Variants in LRRC7 observed in about 807,000 individuals in gnomAD.
LRRC7 encodes leucine rich repeat containing 7.
LRRC7 carries 23 observed loss-of-function variants against 175.7 expected under a neutral mutation model. That is an observed-to-expected ratio of 0.13 (90% CI 0.09 to 0.19). LRRC7 has a LOEUF of 0.19. Among genes scored for constraint, LRRC7 ranks in the 10% least tolerant of loss-of-function variants. The probability of loss-of-function intolerance (pLI) is 1.00; values close to 1 mark genes in which losing one functional copy is unlikely to be tolerated. For missense variants in LRRC7, 1,354 were observed against 1,904.7 expected (o/e 0.71, Z 5.38); for synonymous variants, 685 against 680.9 (o/e 1.01, Z -0.09).
In LRRC7 at chr1:70,122,514, T is replaced by C. The variant is rs1452121120; in HGVS notation, c.*627T>C. On this transcript the variant is annotated 3_prime_UTR_variant, in exon 27 of 27. Transcript: ENST00000651989. ...TATGGTATAAAGTGTTTATATTTGG[T>C]TCCATATTCATTTGCTAAATTCTCA... The C allele has an allele frequency of 6.6e-6, 1 of 152,086 alleles. No homozygotes were observed. The highest frequency in any genetic ancestry group is 1.5e-5 in the Non-Finnish European group (1 of 67,938). 9.4% of individuals were successfully genotyped at this position (152,086 alleles called of 1,614,324 possible). A position where few individuals can be genotyped will look rare whatever the true frequency, so the allele number is the denominator to read the frequency against.
At chr1:69,587,706 A>G (rs2100941908) in intron 1 of LRRC7, among the ~76,000 whole-genome samples, 1 of 152,286 alleles carries the variant, frequency 6.6e-6, no homozygotes, top group Non-Finnish European at 1.5e-5. Context: ...AGGGAGAGCC[A>G]TGATAGTTCT....
chr1:69,698,905 C>T (rs527484696), intron 2 of LRRC7, among the ~76,000 whole-genome samples: 12 of 152,282 alleles, frequency 7.9e-5, no homozygotes, highest in African/African-American at 2.6e-4. Flanking sequence ...CCTCACTCAC[C>T]TTCCCATCTG....
intron 4 of LRRC7, among the ~76,000 whole-genome samples, chr1:69,806,591 G>T (rs765588540): frequency 3.3e-5 from 5 of 151,744 alleles, no homozygotes; most frequent in Admixed American, 1.3e-4. Context: ...CCTATAATCT[G>T]CACTTCCTAC....
At chr1:69,800,287 G>A (rs1018597215) in intron 4 of LRRC7, among the ~76,000 whole-genome samples, 6 of 151,958 alleles carry the variant, frequency 3.9e-5, no homozygotes, top group Admixed American at 3.3e-4. Flanking sequence ...AAAACGGCAT[G>A]CATATTTTCA....
At chr1:70,063,427 G>A (rs1034003660) in intron 23 of LRRC7, among the ~76,000 whole-genome samples, 2 of 152,062 alleles carry the variant, frequency 1.3e-5, no homozygotes, top group African/African-American at 4.8e-5. Flanking sequence ...GAGAAGTGAT[G>A]ATTGAGACTG....
chr1:69,777,120 T>C (rs748949665), intron 3 of LRRC7, among the ~76,000 whole-genome samples: 5 of 152,160 alleles, frequency 3.3e-5, no homozygotes, highest in African/African-American at 4.8e-5. Context: ...CCTTCTGTCA[T>C]CACCAATGGA....
intron 2 of LRRC7, among the ~76,000 whole-genome samples, chr1:69,692,918 G>A (rs369569759): frequency 1.4e-3 from 207 of 152,290 alleles, no homozygotes; most frequent in African/African-American, 4.5e-3. Flanking sequence ...TAATGTGGGT[G>A]GGGACCATCC....
In LRRC7 at chr1:69,626,469, G is replaced by T. The variant is rs556253257; in HGVS notation, c.3-51912G>T. 4.0e-5 allele frequency among the ~76,000 whole-genome samples: 6 copies of T among 150,710 alleles called. No homozygotes were observed. The South Asian group carries it at 1.0e-3, about 26-fold the overall frequency. On this transcript the variant is annotated intron_variant, in intron 1 of 26. Transcript: ENST00000651989. ...CTGAATTACATTCATCACCATTAAT[G>T]AAAGCAGATTTTTAAATATTGCTTA...
chr1:69,728,374 C>A (rs1172152937), intron 2 of LRRC7, among the ~76,000 whole-genome samples: 1 of 152,030 alleles, frequency 6.6e-6, no homozygotes, highest in African/African-American at 2.4e-5. Flanking sequence ...TGTCAAATTG[C>A]CTGGAGAATG....
chr1:69,750,020 C>T (rs1370547290), intron 2 of LRRC7, among the ~76,000 whole-genome samples: 1 of 151,038 alleles, frequency 6.6e-6, no homozygotes, highest in Non-Finnish European at 1.5e-5. Context: ...GAGATCACGC[C>T]ACTGCACTCC....
At chr1:69,829,462 A>C (rs1680292764) in intron 5 of LRRC7, among the ~76,000 whole-genome samples, 1 of 151,804 alleles carries the variant, frequency 6.6e-6, no homozygotes, top group Admixed American at 6.6e-5. Flanking sequence ...TTTTCTTTAC[A>C]CTAGGGACAT....
At chr1:69,847,549 G>T (rs1312012580) in intron 7 of LRRC7, among the ~76,000 whole-genome samples, 1 of 151,938 alleles carries the variant, frequency 6.6e-6, no homozygotes, top group African/African-American at 2.4e-5. Flanking sequence ...ACCAAACTTG[G>T]TTAAACCAAA....
chr1:69,717,810 G>GAAAGAAAT (rs1665615789), intron 2 of LRRC7, among the ~76,000 whole-genome samples: 8 of 24,274 alleles, frequency 3.3e-4, no homozygotes, highest in African/African-American at 1.9e-3. Context: ...AAGAAAGAAA[G>GAAAGAAAT]AAAGAAAGAA....
chr1:69,602,426 G>A (rs1311464165), intron 1 of LRRC7, among the ~76,000 whole-genome samples: 2 of 152,100 alleles, frequency 1.3e-5, no homozygotes, highest in East Asian at 3.9e-4. Context: ...CTAATGCTAT[G>A]ATAATATTTT....
chr1:69,842,579 T>G (rs879095773), intron 7 of LRRC7, among the ~76,000 whole-genome samples: 1 of 152,120 alleles, frequency 6.6e-6, no homozygotes, highest in Admixed American at 6.6e-5. Context: ...CCAACAGAAT[T>G]ACTGGGGTAA....
intron 2 of LRRC7, among the ~76,000 whole-genome samples, chr1:69,728,175 T>C (rs980599351): frequency 1.3e-5 from 2 of 152,212 alleles, no homozygotes; most frequent in Non-Finnish European, 2.9e-5. Context: ...ACAGGTTTTC[T>C]GGAAAGTATA....
At chr1:69,739,697 A>G (rs1668497154) in intron 2 of LRRC7, among the ~76,000 whole-genome samples, 2 of 152,054 alleles carry the variant, frequency 1.3e-5, no homozygotes, top group Admixed American at 6.6e-5. Context: ...TTTACTGGTT[A>G]ATTGTGCTAG....
intron 4 of LRRC7, among the ~76,000 whole-genome samples, chr1:69,806,960 A>G (rs1677188554): frequency 6.6e-6 from 1 of 151,946 alleles, no homozygotes; most frequent in South Asian, 2.1e-4. Context: ...TATTGGTCAA[A>G]TTGCATATAA....
chr1:69,572,378 TAAATC>T (rs1645773888), intron 1 of LRRC7, among the ~76,000 whole-genome samples: 1 of 152,156 alleles, frequency 6.6e-6, no homozygotes, highest in African/African-American at 2.4e-5. Flanking sequence ...CTATTGTAAT[TAAATC>T]AAATACCTAA....
Sources: gnomAD v4.1 joint callset for allele counts (sites outside exome capture counted in the v4.1 genomes callset) on GRCh38, gnomAD v4.1.1 for gene constraint, MANE v1.5 for transcripts, NCBI Gene and HGNC (gene_info 2026-07-23, HGNC 2026-07-21) for gene names.